Variants in LRIF1 observed in about 807,000 individuals in gnomAD.
LRIF1 encodes ligand dependent nuclear receptor interacting factor 1.
In LRIF1, 32 loss-of-function variants were observed where a neutral mutation model predicts 52.7. The observed-to-expected ratio is 0.61, with a 90% CI of 0.46 to 0.82. LRIF1 has a LOEUF of 0.82. LRIF1 is among the 40% of genes least tolerant of loss of function. The pLI is 0.00. For missense variants in LRIF1, 887 were observed against 892.0 expected, an observed-to-expected ratio of 0.99 and a Z score of 0.07; for synonymous variants, 323 against 317.4, an observed-to-expected ratio of 1.02 and a Z score of -0.19.
chr1:110,905,443 T>C, the LRIF1 span, among the ~76,000 whole-genome samples: 1 of 151,574 alleles, frequency 6.6e-6, no homozygotes, highest in Non-Finnish European at 1.5e-5. Context: ...GGTAGCAGAC[T>C]TCTCGGTGGA....
At chr1:110,945,294 AGTGG>A (rs1274216264), downstream of LRIF1, 4 of 152,208 alleles carry the variant, frequency 2.6e-5, no homozygotes, top group East Asian at 7.7e-4. Flanking sequence ...ATAAGGTATT[AGTGG>A]TAAACTTTGG....
At position 110,952,164 on chromosome 1, in the gene LRIF1, A is replaced by G. The variant is rs1490879013; in HGVS notation, c.720T>C (p.Asn240=). 1.2e-6 allele frequency: 2 copies of G among 1,614,150 alleles called. No individual in the cohort carries two copies. Among genetic ancestry groups the G allele is most frequent in the East Asian group, 2.2e-5 (1 of 44,876 alleles). ...TGTTTTGAAAGTTCTTGGTAACTAC[A>G]TTTTTCACTGTATTTACAGGAGATA... ...IYVSPVNTVK[N]VVTKNFQNIY... Residue 240 remains asparagine (N), a synonymous_variant, in exon 2 of 4, where the codon AAT becomes AAC. Coordinates refer to ENST00000369763, the MANE Select transcript of LRIF1 (RefSeq NM_018372.4).
chr1:110,916,110 A>C, the LRIF1 span, among the ~76,000 whole-genome samples: 1 of 152,232 alleles, frequency 6.6e-6, no homozygotes, highest in Admixed American at 6.5e-5. Flanking sequence ...ACTCACTAAA[A>C]GAAATTCTAA....
At chr1:110,937,760 C>G in the LRIF1 span, 1 of 151,694 alleles carries the variant, frequency 6.6e-6, no homozygotes, top group Non-Finnish European at 1.5e-5. Flanking sequence ...AGAGAAAATA[C>G]AAAAGATCAA....
the LRIF1 span, chr1:110,895,176 G>GAAT: frequency 1.4e-6 from 1 of 715,306 alleles, no homozygotes; most frequent in African/African-American, 1.7e-5. Flanking sequence ...CTGAATCCCA[G>GAAT]AATAATGCCT....
chr1:110,876,300 A>T, the LRIF1 span, among the ~76,000 whole-genome samples: 3 of 152,204 alleles, frequency 2.0e-5, no homozygotes, highest in Non-Finnish European at 2.9e-5. Flanking sequence ...ATTATACTAT[A>T]GTCCCTTTTC....
At chr1:110,895,036 G>T in the LRIF1 span, 4 of 1,613,296 alleles carry the variant, frequency 2.5e-6, no homozygotes, top group Admixed American at 6.7e-5. Context: ...AAGGCAGCGT[G>T]GGACTCCATC....
At chr1:110,957,838 C>T (rs1282032) in intron 1 of LRIF1, among the ~76,000 whole-genome samples, 150,589 of 152,300 alleles carry the variant, frequency 0.99, 74,466 homozygotes, top group Middle Eastern at 1. Flanking sequence ...TTACAAAAGG[C>T]AAACATTTAA....
the LRIF1 span, among the ~76,000 whole-genome samples, chr1:110,908,672 A>G: frequency 1.3e-5 from 2 of 152,182 alleles, no homozygotes; most frequent in Non-Finnish European, 2.9e-5. Flanking sequence ...TTTTGAATCA[A>G]TACAAGCAGA....
At chr1:110,924,464 G>T in the LRIF1 span, among the ~76,000 whole-genome samples, 5 of 152,204 alleles carry the variant, frequency 3.3e-5, no homozygotes, top group Non-Finnish European at 4.4e-5. Context: ...AGAGGGCAAA[G>T]AGGCAGCAAG....
chr1:110,892,656 C>T, the LRIF1 span: 1 of 821,456 alleles, frequency 1.2e-6, no homozygotes, highest in African/African-American at 1.7e-5. Context: ...AGATTGGTAC[C>T]TCAGATCAGC....
chr1:110,904,451 T>A, the LRIF1 span, among the ~76,000 whole-genome samples: 2 of 152,072 alleles, frequency 1.3e-5, no homozygotes, highest in South Asian at 2.1e-4. Flanking sequence ...AGAGAGAGAA[T>A]CCCTTAGTTT....
chr1:110,884,783 G>T, the LRIF1 span, among the ~76,000 whole-genome samples: 1 of 151,740 alleles, frequency 6.6e-6, no homozygotes, highest in Non-Finnish European at 1.5e-5. Context: ...TTTTATTAGT[G>T]TTAGTATGGT....
chr1:110,940,768 A>C, the LRIF1 span: 1 of 152,202 alleles, frequency 6.6e-6, no homozygotes, highest in African/African-American at 2.4e-5. Flanking sequence ...TATTTATGAG[A>C]TCTAAAAATC....
chr1:110,933,491 C>T, the LRIF1 span, among the ~76,000 whole-genome samples: 1 of 152,174 alleles, frequency 6.6e-6, no homozygotes, highest in African/African-American at 2.4e-5. Flanking sequence ...CCCCCAACAG[C>T]AGCCAGGTGG....
chr1:110,892,188 A>G, the LRIF1 span, among the ~76,000 whole-genome samples: 1 of 152,218 alleles, frequency 6.6e-6, no homozygotes, highest in Non-Finnish European at 1.5e-5. Context: ...TGCCTCTCCA[A>G]TGTAAGCATG....
chr1:110,887,220 C>A, the LRIF1 span, among the ~76,000 whole-genome samples: 9 of 152,000 alleles, frequency 5.9e-5, no homozygotes, highest in African/African-American at 2.2e-4. Context: ...CCCACCACCA[C>A]GCCTGGCTAA....
chr1:110,885,388 A>G, the LRIF1 span, among the ~76,000 whole-genome samples: 2 of 152,104 alleles, frequency 1.3e-5, no homozygotes, highest in African/African-American at 2.4e-5. Context: ...AATACAAAAA[A>G]TTAGCTGGAC....
the LRIF1 span, chr1:110,940,715 A>T: frequency 2.0e-5 from 3 of 152,194 alleles, no homozygotes; most frequent in African/African-American, 7.2e-5. Context: ...ATGTTAAGTG[A>T]AATAAGCCAG....
Sources: allele counts gnomAD v4.1 joint callset (sites outside exome capture counted in the v4.1 genomes callset), GRCh38; gene constraint gnomAD v4.1.1; transcripts MANE v1.5; gene names NCBI Gene and HGNC (gene_info 2026-07-23, HGNC 2026-07-21).